ZNF469: variants seen among roughly 807,000 people sequenced by gnomAD.
The protein encoded by ZNF469 is zinc finger protein 469.
Under a neutral mutation model 1.0 loss-of-function variants are expected in ZNF469, and 1 was observed. That is an observed-to-expected ratio of 1.00 (90% CI 0.35 to 4.73). The LOEUF is 4.73. ZNF469 is among the 30% of genes most tolerant of loss of function. The probability of loss-of-function intolerance (pLI) is 0.16; values close to 1 mark genes in which losing one functional copy is unlikely to be tolerated. For synonymous variants in ZNF469, 2,703 were observed against 2,363.4 expected (o/e 1.14, Z -4.17); for missense variants, 6,100 against 5,356.3 (o/e 1.14, Z -4.33).
At chr16:88,396,283 C>G (rs999515658) in intron 1 of ZNF469, among the ~76,000 whole-genome samples, 1 of 152,260 alleles carries the variant, frequency 6.6e-6, no homozygotes, top group South Asian at 2.1e-4. Flanking sequence ...ATCTGCCTGT[C>G]TTCATCTCCT....
At chr16:88,327,627 T>C in the ZNF469 span, among the ~76,000 whole-genome samples, 3 of 152,062 alleles carry the variant, frequency 2.0e-5, no homozygotes, top group Non-Finnish European at 4.4e-5. Context: ...ACCTCAGGGC[T>C]GAGTGCTTCC....
Position 88,428,960 on chromosome 16 carries a change from G to T in ZNF469, c.1490G>T (p.Gly497Val), listed in dbSNP as rs1249149425. The part of the protein sequence containing the change: ...VLPTARPSPH[G>V]MEMLSRLPFP... ...CCGACCGCCCGGCCAAGTCCCCACGGAATGGAGATGCTGAGCCGGCTGCCT... is the reference window on the plus strand; with the variant it reads ...CCGACCGCCCGGCCAAGTCCCCACGTAATGGAGATGCTGAGCCGGCTGCCT... Residue 497 changes from glycine (G) to valine (V), a missense_variant, in exon 3 of 3, where the codon GGA becomes GTA. Physicochemically the swap from Gly to Val is moderately radical, Grantham distance 109 (BLOSUM62 -3). Coordinates refer to ENST00000565624, the MANE Select transcript of ZNF469 (RefSeq NM_001367624.2). 1 of 1,548,232 alleles carries T rather than the reference G, an allele frequency of 6.5e-7. No homozygotes were observed. Among genetic ancestry groups the T allele is most frequent in the South Asian group, 1.2e-5 (1 of 83,996 alleles).
chr16:88,234,807 C>T, the ZNF469 span: 3 of 152,358 alleles, frequency 2.0e-5, no homozygotes, highest in African/African-American at 4.8e-5. Context: ...GGCCAGGCCT[C>T]GTTCCCATCA....
chr16:88,149,411 C>T, the ZNF469 span, among the ~76,000 whole-genome samples: 2 of 152,150 alleles, frequency 1.3e-5, no homozygotes, highest in Non-Finnish European at 2.9e-5. Flanking sequence ...GTGTCTGTGT[C>T]CTGACAGAGG....
the ZNF469 span, among the ~76,000 whole-genome samples, chr16:88,349,878 C>T: frequency 6.6e-6 from 1 of 151,280 alleles, no homozygotes; most frequent in Non-Finnish European, 1.5e-5. Context: ...GCACAATACA[C>T]ACCACACACT....
At chr16:88,377,585 C>A in the ZNF469 span, among the ~76,000 whole-genome samples, 2 of 152,190 alleles carry the variant, frequency 1.3e-5, no homozygotes, top group Non-Finnish European at 1.5e-5. Flanking sequence ...CTCCTTGGAC[C>A]GGGCTCAGCC....
the ZNF469 span, among the ~76,000 whole-genome samples, chr16:88,305,251 CACGCA>C: frequency 6.6e-6 from 1 of 151,080 alleles, no homozygotes; most frequent in Non-Finnish European, 1.5e-5. Flanking sequence ...CACAGGCACA[CACGCA>C]TGCACACCCT....
chr16:88,291,692 C>T, the ZNF469 span, among the ~76,000 whole-genome samples: 2 of 151,862 alleles, frequency 1.3e-5, no homozygotes, highest in African/African-American at 4.8e-5. Context: ...GAGCCCCGTG[C>T]GGAAGCACTT....
At chr16:88,226,212 G>T in the ZNF469 span, among the ~76,000 whole-genome samples, 2 of 152,122 alleles carry the variant, frequency 1.3e-5, no homozygotes, top group South Asian at 2.1e-4. Flanking sequence ...GGGTTGAATT[G>T]TGTCCCCCCA....
At chr16:88,160,915 G>A in the ZNF469 span, among the ~76,000 whole-genome samples, 1 of 152,198 alleles carries the variant, frequency 6.6e-6, no homozygotes, top group African/African-American at 2.4e-5. Context: ...GGCCGAGGTG[G>A]GCGGATCATT....
Position 88,435,389 on chromosome 16 carries a change from G to A in ZNF469, c.7919G>A (p.Gly2640Glu). The A allele has an allele frequency of 6.4e-7, 1 of 1,550,404 alleles. No individual in the cohort carries two copies. The highest frequency in any genetic ancestry group is 2.0e-5 in the Admixed American group (1 of 51,012). ...AATAAGAAAAGGGGAAAGCTGAGAG[G>A]GAGAAGGCTCCGGGAGGAGAGCATT... Reference protein sequence around the residue: ...KSNKKRGKLRGRRLREESILP... With the variant: ...KSNKKRGKLRERRLREESILP... The change falls in exon 3 of 3, where the codon GGG (glycine) becomes GAG (glutamate). Residue 2640 changes from glycine to glutamate, a missense_variant. Coordinates refer to ENST00000565624, the MANE Select transcript of ZNF469 (RefSeq NM_001367624.2).
At chr16:88,290,793 G>A in the ZNF469 span, among the ~76,000 whole-genome samples, 1 of 152,210 alleles carries the variant, frequency 6.6e-6, no homozygotes, top group Non-Finnish European at 1.5e-5. Flanking sequence ...AGTGAATGAA[G>A]TCACATCTAG....
At chr16:88,333,048 C>T in the ZNF469 span, among the ~76,000 whole-genome samples, 80 of 152,336 alleles carry the variant, frequency 5.3e-4, no homozygotes, top group African/African-American at 1.7e-3. Flanking sequence ...CCTTGTGCTG[C>T]TGCTCATTGG....
chr16:88,435,331 G>A lies in ZNF469; in HGVS notation c.7861G>A (p.Val2621Met), dbSNP rs552116287. 120 of 1,550,346 alleles carry A rather than the reference G, an allele frequency of 7.7e-5. 1 individual carries two copies. The highest frequency in any genetic ancestry group is 6.5e-4 in the Admixed American group (33 of 51,006). ...EGRRWRREPT[V>M]DSPSHSEGKS... Reference sequence around the variant, plus strand: ...CCGGAGGTGGCGCCGAGAGCCCACCGTGGACTCTCCTAGCCACTCAGAGGG... The same window carrying A: ...CCGGAGGTGGCGCCGAGAGCCCACCATGGACTCTCCTAGCCACTCAGAGGG... The change falls in exon 3 of 3, where the codon GTG becomes ATG. Residue 2621 changes from valine (V) to methionine (M), a missense_variant. Transcript: ENST00000565624.
the ZNF469 span, among the ~76,000 whole-genome samples, chr16:88,268,228 A>G: frequency 1.3e-5 from 2 of 152,034 alleles, no homozygotes; most frequent in African/African-American, 4.8e-5. Context: ...CTGCGTTCCC[A>G]TGCCCCGTTG....
At chr16:88,166,572 C>G in the ZNF469 span, among the ~76,000 whole-genome samples, 2 of 152,142 alleles carry the variant, frequency 1.3e-5, no homozygotes, top group Non-Finnish European at 2.9e-5. The surrounding 1 kb of genome is among the most constrained non-coding windows in gnomAD (Gnocchi z 4.5). Context: ...CCCTCCTGCA[C>G]CCCTTGAGGC....
At chr16:88,220,431 A>G in the ZNF469 span, among the ~76,000 whole-genome samples, 2 of 152,226 alleles carry the variant, frequency 1.3e-5, no homozygotes, top group Admixed American at 6.5e-5. Context: ...GTATGAGAGC[A>G]GTGCCAGAGC....
chr16:88,376,912 C>A, the ZNF469 span, among the ~76,000 whole-genome samples: 1 of 152,214 alleles, frequency 6.6e-6, no homozygotes, highest in East Asian at 1.9e-4. Context: ...CCCAGCGTGC[C>A]CCGAGGCCCC....
In ZNF469 at chr16:88,427,612, G is replaced by T. The variant is rs886052388; in HGVS notation, c.142G>T (p.Ala48Ser). The change falls in exon 3 of 3, where the codon GCC becomes TCC. Residue 48 changes from alanine to serine, a missense_variant. Ala to Ser is a moderately conservative substitution (Grantham distance 99). Coordinates refer to ENST00000565624, the MANE Select transcript of ZNF469 (RefSeq NM_001367624.2). ...CCCAGCTACCAGGACCACCAAGGGT[G>T]CCAGGGAGGCTGGCGGCCAGGCCCA... ...NTPATRTTKGAREAGGQAQAM... is the reference protein window; with the variant it reads ...NTPATRTTKGSREAGGQAQAM... The T allele has an allele frequency of 1.0e-5, 16 of 1,537,336 alleles. No homozygotes were observed. The highest frequency in any genetic ancestry group is 2.0e-5 in the Admixed American group (1 of 50,976).
Sources: gnomAD v4.1 joint callset for allele counts (sites outside exome capture counted in the v4.1 genomes callset) on GRCh38, gnomAD v4.1.1 for gene constraint, Gnocchi (gnomAD v3.1) non-coding constraint, MANE v1.5 for transcripts, NCBI Gene and HGNC (gene_info 2026-07-23, HGNC 2026-07-21) for gene names.